Variants in SHROOM4 observed in about 807,000 individuals in gnomAD.
The protein encoded by SHROOM4 is shroom family member 4, also known as protein Shroom4.
A neutral mutation model predicts 80.3 loss-of-function variants in SHROOM4; 17 were observed. The observed-to-expected ratio is 0.21, with a 90% CI of 0.14 to 0.32. SHROOM4 has a LOEUF of 0.32. Among genes scored for constraint, SHROOM4 ranks in the 10% least tolerant of loss-of-function variants. SHROOM4 has a pLI of 1.00. For synonymous variants in SHROOM4, 400 were observed against 437.5 expected (o/e 0.91, Z 1.07); for missense variants, 993 against 1,140.3 (o/e 0.87, Z 1.86).
chrX:50,711,837 T>C (rs1262773014), intron 1 of SHROOM4, among the ~76,000 whole-genome samples: 2 of 112,424 alleles, frequency 1.8e-5, no homozygotes, highest in Non-Finnish European at 3.8e-5. Context: ...TGGATTTTTA[T>C]TGTCCCACAG....
In SHROOM4 at chrX:50,633,243, T is replaced by C; in HGVS notation, c.2830A>G (p.Ser944Gly). ...CSVCYHNPQH[S>G]ALEDSSLAPG... ...GCCAAGCTGCTGTCCTCGAGGGCAC[T>C]GTGCTGAGGATTATGATAGCAAACT... The change falls in exon 4 of 9, where the codon AGT becomes GGT. Residue 944 changes from serine (S) to glycine (G), a missense_variant. Physicochemically the swap from Ser to Gly is moderately conservative, Grantham distance 56. Transcript: ENST00000376020. 2.5e-6 allele frequency: 3 copies of C among 1,211,772 alleles called. No individual in the cohort carries two copies. In the South Asian group the frequency reaches 5.3e-5, roughly 21 times the overall value.
intron 7 of SHROOM4, among the ~76,000 whole-genome samples, chrX:50,601,690 C>T (rs147070069): frequency 9.5e-4 from 106 of 111,784 alleles, no homozygotes; most frequent in African/African-American, 3.4e-3. Context: ...AGCTTTGGAA[C>T]GACAACAACA....
At position 50,634,165 on chromosome X, in the gene SHROOM4, G is replaced by A; in HGVS notation, c.1908C>T (p.Asn636=). ...TTTTACATGAAGATAGAAGAGATGT[G>A]TTAGAGGCAGTGAGTGGAGGACTTT... The part of the protein sequence containing the change: ...PPESPPLTAS[N]TSLLSSCKKP... Residue 636 remains asparagine, a synonymous_variant, in exon 4 of 9, where the codon AAC becomes AAT. Transcript: ENST00000376020. 2 of 1,209,879 alleles carry A rather than the reference G, an allele frequency of 1.7e-6. 1 individual carries two copies. The highest frequency in any genetic ancestry group is 4.7e-4 in the Middle Eastern group (2 of 4,254).
the SHROOM4 span, among the ~76,000 whole-genome samples, chrX:50,577,558 C>T: frequency 1.8e-5 from 2 of 112,190 alleles, no homozygotes; most frequent in African/African-American, 6.5e-5. Context: ...CTTCAATCTG[C>T]ATAGCTGGGT....
chrX:50,703,855 C>T (rs1333201486), intron 1 of SHROOM4, among the ~76,000 whole-genome samples: 2 of 111,935 alleles, frequency 1.8e-5, no homozygotes, highest in African/African-American at 6.5e-5. Flanking sequence ...CTAATGCAGT[C>T]TCTTTGTTAG....
intron 1 of SHROOM4, among the ~76,000 whole-genome samples, chrX:50,705,066 G>A (rs1933625597): frequency 8.9e-6 from 1 of 111,986 alleles, no homozygotes; most frequent in Non-Finnish European, 1.9e-5. Flanking sequence ...GCCTAGGACA[G>A]ATCCCATTTT....
intron 2 of SHROOM4, among the ~76,000 whole-genome samples, chrX:50,675,718 ATACT>A (rs1932846415): frequency 9.0e-6 from 1 of 111,486 alleles, no homozygotes; most frequent in East Asian, 2.8e-4. Context: ...ATTATGTTAC[ATACT>A]GAAAGGGCAC....
At chrX:50,792,860 T>C (rs1328926185) in intron 1 of SHROOM4, among the ~76,000 whole-genome samples, 1 of 104,252 alleles carries the variant, frequency 9.6e-6, no homozygotes, top group African/African-American at 3.5e-5. Flanking sequence ...TGGGTAGGAA[T>C]GTAAAATGGT....
chrX:50,804,733 T>C (rs782599336), intron 1 of SHROOM4, among the ~76,000 whole-genome samples: 94 of 112,114 alleles, frequency 8.4e-4, no homozygotes, highest in Non-Finnish European at 2.1e-4. Flanking sequence ...GTAAAACACC[T>C]AGAAAATAGC....
At chrX:50,695,662 A>C (rs782234002) in intron 2 of SHROOM4, 124 bp downstream of exon 2, 3 of 840,270 alleles carry the variant, frequency 3.6e-6, no homozygotes, top group South Asian at 4.4e-5. Context: ...TGTCTGCAAA[A>C]TTCTATTCAA....
chrX:50,728,460 C>T (rs1311884378), intron 1 of SHROOM4, among the ~76,000 whole-genome samples: 1 of 112,500 alleles, frequency 8.9e-6, no homozygotes, highest in Admixed American at 9.4e-5. Flanking sequence ...CTAGGCTACA[C>T]CTAATCAGAA....
At chrX:50,738,614 A>G (rs1330154878) in intron 1 of SHROOM4, among the ~76,000 whole-genome samples, 2 of 111,209 alleles carry the variant, frequency 1.8e-5, no homozygotes, top group African/African-American at 6.5e-5. Context: ...TAGGAATCCA[A>G]CTCACAAGGG....
rs887098877 is a variant in SHROOM4, at chrX:50,731,036, T to C, written c.118-35099A>G. 2.7e-5 allele frequency among the ~76,000 whole-genome samples: 3 copies of C among 110,608 alleles called. No individual in the cohort carries two copies. The Admixed American group carries it at 2.9e-4, about 11-fold the overall frequency. ...CTCTTTTCCTCTCTTCTTTAAAAGA[T>C]ATAAGGTTATATAAAATGATAATTA... On this transcript the variant is annotated intron_variant, in intron 1 of 8. Coordinates refer to ENST00000376020, the MANE Select transcript of SHROOM4 (RefSeq NM_020717.5).
At chrX:50,769,976 G>A (rs968227063) in intron 1 of SHROOM4, among the ~76,000 whole-genome samples, 6 of 109,828 alleles carry the variant, frequency 5.5e-5, no homozygotes, top group Non-Finnish European at 9.5e-5. Flanking sequence ...ACATGTTCTC[G>A]GGGGGAATAA....
intron 2 of SHROOM4, among the ~76,000 whole-genome samples, chrX:50,676,448 C>T (rs1273195803): frequency 9.0e-6 from 1 of 111,080 alleles, no homozygotes; most frequent in Non-Finnish European, 1.9e-5. Flanking sequence ...TGAGTTAAGT[C>T]GGCAATTTTG....
intron 1 of SHROOM4, among the ~76,000 whole-genome samples, chrX:50,751,600 T>A (rs1341550026): frequency 1.8e-5 from 2 of 111,798 alleles, no homozygotes; most frequent in African/African-American, 6.5e-5. Flanking sequence ...TTTCTTACTA[T>A]CCATCATGAC....
At chrX:50,761,283 A>C (rs1018385805) in intron 1 of SHROOM4, among the ~76,000 whole-genome samples, 2 of 111,370 alleles carry the variant, frequency 1.8e-5, no homozygotes, top group Non-Finnish European at 3.8e-5. Context: ...GAGAACATGC[A>C]GTATTTGGTT....
intron 1 of SHROOM4, among the ~76,000 whole-genome samples, chrX:50,736,876 T>A (rs782463297): frequency 3.4e-4 from 38 of 112,207 alleles, no homozygotes; most frequent in African/African-American, 1.2e-3. Context: ...ATAAAAGCAA[T>A]AAATCTGTTT....
intron 2 of SHROOM4, among the ~76,000 whole-genome samples, chrX:50,659,689 G>T (rs1557259791): frequency 8.9e-6 from 1 of 111,804 alleles, no homozygotes; most frequent in Non-Finnish European, 1.9e-5. Context: ...GCAGCAATAT[G>T]GCAGAGTGTG....
Sources: allele counts gnomAD v4.1 joint callset (sites outside exome capture counted in the v4.1 genomes callset), GRCh38; gene constraint gnomAD v4.1.1; transcripts MANE v1.5; gene names NCBI Gene and HGNC (gene_info 2026-07-23, HGNC 2026-07-21).